CERT1: variants seen among roughly 807,000 people sequenced by gnomAD.
The protein encoded by CERT1 is ceramide transporter 1, also known as ceramide transfer protein.
A neutral mutation model predicts 87.9 loss-of-function variants in CERT1; 31 were observed. The ratio of observed to expected loss-of-function variants is 0.35; its 90% CI spans 0.27 to 0.48. CERT1 has a LOEUF of 0.48. CERT1 is among the 20% of genes least tolerant of loss of function. The pLI is 0.99. For missense variants in CERT1, 487 were observed against 758.0 expected (o/e 0.64, Z 4.20); for synonymous variants, 289 against 250.9 (o/e 1.15, Z -1.44).
intron 11 of CERT1, among the ~76,000 whole-genome samples, chr5:75,392,757 C>CAGG (rs2112045203): frequency 6.6e-6 from 1 of 151,946 alleles, no homozygotes; most frequent in Admixed American, 6.5e-5. Context: ...ATCACAAGGT[C>CAGG]AGGAGTTCGA....
rs370396757 is a variant in CERT1, at chr5:75,386,052, C to T, written c.1285-18G>A. 151 of 1,450,018 alleles carry T rather than the reference C, an allele frequency of 1.0e-4. No homozygotes were observed. In the African/African-American group the frequency reaches 1.7e-3, roughly 16 times the overall value. 89.8% of individuals were successfully genotyped at this position (1,450,018 alleles called of 1,614,324 possible). A position where few individuals can be genotyped will look rare whatever the true frequency, so the allele number is the denominator to read the frequency against. Reference sequence around the variant, plus strand: ...CTGTATACCTAAAGAGAACATAATTCCAAAACTGTTTGAAAATTAAAAATC... The same window carrying T: ...CTGTATACCTAAAGAGAACATAATTTCAAAACTGTTTGAAAATTAAAAATC... On this transcript the variant is annotated intron_variant, in intron 12 of 16. Transcript: ENST00000643780.
chr5:75,475,805 G>T lies in CERT1; in HGVS notation c.232-16624C>A, dbSNP rs552210264. 6.6e-5 allele frequency among the ~76,000 whole-genome samples: 10 copies of T among 152,026 alleles called. No homozygotes were observed. In the South Asian group the frequency reaches 2.1e-3, roughly 31 times the overall value. On this transcript the variant is annotated intron_variant, in intron 2 of 16. Transcript: ENST00000643780. The stretch of plus-strand genomic sequence containing the variant: ...TCCAGCCTATCAGAGGTCACAGATG[G>T]TATATAAACTTTTGTAACCTTAGGC...
intron 5 of CERT1, among the ~76,000 whole-genome samples, chr5:75,423,870 A>C (rs192516161): frequency 3.3e-5 from 5 of 152,334 alleles, no homozygotes; most frequent in Admixed American, 1.3e-4. Flanking sequence ...AATTATATAT[A>C]TATGAAAAAA....
chr5:75,387,384 C>A (rs771748920), intron 12 of CERT1, among the ~76,000 whole-genome samples: 3 of 152,108 alleles, frequency 2.0e-5, no homozygotes, highest in Non-Finnish European at 2.9e-5. Context: ...CACTTTGTGC[C>A]TGACTCTTTT....
intron 12 of CERT1, among the ~76,000 whole-genome samples, chr5:75,387,870 TTC>T (rs1203490651): frequency 6.6e-6 from 1 of 152,236 alleles, no homozygotes; most frequent in Non-Finnish European, 1.5e-5. Context: ...TAGGCCCAAT[TTC>T]TCTCTAACAC....
In CERT1 at chr5:75,402,229, TA is replaced by T. The variant is rs569532324; in HGVS notation, c.1017+742del. The T allele has an allele frequency of 9.2e-5, 14 of 152,294 alleles. No individual in the cohort carries two copies. In the East Asian group the frequency reaches 2.7e-3, roughly 29 times the overall value. 9.4% of individuals were successfully genotyped at this position (152,294 alleles called of 1,614,324 possible). ...GTAGTGAAGGTAATAAAGGGGTTAA[TA>T]AAAACAATACTAATATAGATGAAAA... On this transcript the variant is annotated intron_variant, in intron 9 of 16. Coordinates refer to ENST00000643780, the MANE Select transcript of CERT1 (RefSeq NM_001379029.1).
Position 75,379,348 on chromosome 5 carries a change from A to G in CERT1, c.1873T>C (p.Ter625GlnextTer2). 1.2e-6 allele frequency: 2 copies of G among 1,612,196 alleles called. No homozygotes were observed. Among genetic ancestry groups the G allele is most frequent in the Non-Finnish European group, 1.7e-6 (2 of 1,178,492 alleles). ...EKTAGKPILF[*>Q] ...ATATCTTCTAGTACCTGTTAATACT[A>G]GAACAAAATAGGCTTTCCTGCAGTT... The change falls in exon 17 of 17, where the codon TAG becomes CAG. Residue 625 changes from the stop codon to glutamine (Q), a stop_lost. Coordinates refer to ENST00000643780, the MANE Select transcript of CERT1 (RefSeq NM_001379029.1).
At chr5:75,496,188 A>G (rs79509416) in intron 2 of CERT1, among the ~76,000 whole-genome samples, 4,001 of 152,146 alleles carry the variant, frequency 0.026, 152 homozygotes, top group African/African-American at 0.086. Flanking sequence ...GATACAGATA[A>G]GCAAATGAAA....
chr5:75,511,425 C>T lies in CERT1; in HGVS notation c.-218G>A, dbSNP rs1290439911. The T allele has an allele frequency of 6.5e-7, 1 of 1,542,422 alleles. No homozygotes were observed. Among genetic ancestry groups the T allele is most frequent in the Non-Finnish European group, 8.7e-7 (1 of 1,143,678 alleles). ...AAGGAGGACGAGCGGTGAAGGAAGC[C>T]TACCCTTCCAGCCGTCAGCCGCCGC... is the stretch of plus-strand genomic sequence containing the variant. On this transcript the variant is annotated 5_prime_UTR_variant, in exon 1 of 17. Coordinates refer to ENST00000643780, the MANE Select transcript of CERT1 (RefSeq NM_001379029.1).
chr5:75,419,800 ACT>A lies in CERT1; in HGVS notation c.596-378_596-377del, dbSNP rs202188424. On this transcript the variant is annotated intron_variant, in intron 5 of 16. Coordinates refer to ENST00000643780, the MANE Select transcript of CERT1 (RefSeq NM_001379029.1). ...GATACATTATTTTTAAACCATATTCACTCTCATTTGTGTAAGGGAAGGTTACT... is the reference window on the plus strand; with the variant it reads ...GATACATTATTTTTAAACCATATTCACTCATTTGTGTAAGGGAAGGTTACT... Among the ~76,000 whole-genome samples, 163 of 151,966 alleles carry A rather than the reference ACT, an allele frequency of 1.1e-3. 1 individual carries two copies. In the East Asian group the frequency reaches 0.027, roughly 26 times the overall value.
Position 75,425,519 on chromosome 5 carries a change from G to A in CERT1, c.457-20C>T, listed in dbSNP as rs765073561. 6.2e-7 allele frequency: 1 copy of A among 1,610,324 alleles called. No individual in the cohort carries two copies. The highest frequency in any genetic ancestry group is 1.3e-5 in the African/African-American group (1 of 74,868). On this transcript the variant is annotated intron_variant, in intron 4 of 16. Coordinates refer to ENST00000643780, the MANE Select transcript of CERT1 (RefSeq NM_001379029.1). ...GCCTTTCTGCAAAACATAAAATAGG[G>A]GGATGTAATTCAAGTAAAACAAAAC...
At chr5:75,490,112 C>G (rs1045649224) in intron 2 of CERT1, among the ~76,000 whole-genome samples, 1 of 152,110 alleles carries the variant, frequency 6.6e-6, no homozygotes, top group Admixed American at 6.5e-5. Flanking sequence ...AACCAAACAC[C>G]GTATGTTCTC....
chr5:75,375,146 C>T (rs1003685920), downstream of CERT1: 3 of 159,156 alleles, frequency 1.9e-5, no homozygotes, highest in Non-Finnish European at 2.7e-5. Flanking sequence ...CACAACATGG[C>T]ATTTCTTTCC....
At chr5:75,440,432 A>G (rs997427736) in intron 3 of CERT1, among the ~76,000 whole-genome samples, 1 of 152,032 alleles carries the variant, frequency 6.6e-6, no homozygotes, top group Non-Finnish European at 1.5e-5. Flanking sequence ...CCCACAAACC[A>G]CCACGGGAGA....
intron 3 of CERT1, among the ~76,000 whole-genome samples, chr5:75,440,240 A>C (rs6872314): frequency 0.35 from 52,372 of 151,802 alleles, 10,770 homozygotes; most frequent in African/African-American, 0.58. Context: ...AACTGAACCA[A>C]TCATGAATCA....
chr5:75,478,592 A>AT (rs1210364320), intron 2 of CERT1, among the ~76,000 whole-genome samples: 2 of 152,196 alleles, frequency 1.3e-5, no homozygotes, highest in African/African-American at 4.8e-5. Flanking sequence ...AGAAGCAATT[A>AT]GTCTGCTTAG....
At chr5:75,416,055 T>C (rs1257814319) in intron 7 of CERT1, among the ~76,000 whole-genome samples, 1 of 152,134 alleles carries the variant, frequency 6.6e-6, no homozygotes, top group Non-Finnish European at 1.5e-5. Context: ...CCCGCTCAAA[T>C]TCAAAGGCCT....
At chr5:75,507,641 C>T (rs956836974) in intron 1 of CERT1, among the ~76,000 whole-genome samples, 11 of 152,180 alleles carry the variant, frequency 7.2e-5, no homozygotes, top group Non-Finnish European at 1.6e-4. Flanking sequence ...GGGGAGACTG[C>T]TACTTCTGCT....
At position 75,409,608 on chromosome 5, in the gene CERT1, C is replaced by A. The variant is rs927411191; in HGVS notation, c.930+1403G>T. 1.8e-4 allele frequency among the ~76,000 whole-genome samples: 28 copies of A among 151,994 alleles called. 1 individual carries two copies. Among genetic ancestry groups the A allele is most frequent in the Non-Finnish European group, 4.4e-5 (3 of 67,994 alleles). On this transcript the variant is annotated intron_variant, in intron 8 of 16. Transcript: ENST00000643780. Reference sequence around the variant, plus strand: ...GTGGCACGATCTCAGCTCACTGCAACCTCTGCCTCCCGGGTTCAAGTGATT... The same window carrying A: ...GTGGCACGATCTCAGCTCACTGCAAACTCTGCCTCCCGGGTTCAAGTGATT...
Sources: gnomAD v4.1 joint callset for allele counts (sites outside exome capture counted in the v4.1 genomes callset) on GRCh38, gnomAD v4.1.1 for gene constraint, MANE v1.5 for transcripts, NCBI Gene and HGNC (gene_info 2026-07-23, HGNC 2026-07-21) for gene names.